The following ZIC3 variants were observed in gnomAD, a reference collection of about 807,000 sequenced individuals.
The protein encoded by ZIC3 is Zic family zinc finger 3.
In ZIC3, 6 loss-of-function variants were observed where a neutral mutation model predicts 18.3. The observed-to-expected ratio is 0.33, with a 90% CI of 0.18 to 0.65. The LOEUF (loss-of-function observed/expected upper bound fraction) is 0.65. Ranked by LOEUF, ZIC3 falls within the 30% of genes least tolerant of loss-of-function variation. The pLI is 0.75. For missense variants in ZIC3, 260 were observed against 410.0 expected, an observed-to-expected ratio of 0.63 and a Z score of 3.16; for synonymous variants, 175 against 177.0, an observed-to-expected ratio of 0.99 and a Z score of 0.09.
Position 137,570,047 on chromosome X carries a change from A to G in ZIC3, c.1381A>G (p.Asn461Asp). The G allele has an allele frequency of 1.7e-6, 2 of 1,211,666 alleles. No individual in the cohort carries two copies. Among genetic ancestry groups the G allele is most frequent in the Non-Finnish European group, 2.2e-6 (2 of 895,456 alleles). ...STSHNPGLPP[N>D]FNEWYV The stretch of plus-strand genomic sequence containing the variant: ...CAGCCACAACCCTGGACTTCCTCCT[A>G]ATTTTAACGAATGGTACGTCTGAGG... Residue 461 changes from asparagine to aspartate, a missense_variant, in exon 3 of 3, where the codon AAT (asparagine) becomes GAT (aspartate). Physicochemically the swap from Asn to Asp is conservative, Grantham distance 23. Transcript: ENST00000287538.
intron 1 of ZIC3, chrX:137,568,681 G>GCCC: frequency 2.8e-5 from 4 of 142,756 alleles, no homozygotes; most frequent in South Asian, 1.8e-4. Context: ...TTTTGGGCCG[G>GCCC]CCCCGCCCCA....
chrX:137,569,447 G>A (rs1007038074), intron 2 of ZIC3, among the ~76,000 whole-genome samples: 2 of 112,190 alleles, frequency 1.8e-5, no homozygotes. Context: ...AAAACAATAG[G>A]GCCGAGGAGT....
Position 137,567,020 on chromosome X carries a change from C to G in ZIC3, c.329C>G (p.Ala110Gly). 1 of 1,167,768 alleles carries G rather than the reference C, an allele frequency of 8.6e-7. No homozygotes were observed. Residue 110 changes from alanine to glycine, a missense_variant, in exon 1 of 3, where the codon GCC (alanine) becomes GGC (glycine). Ala to Gly is a moderately conservative substitution (Grantham distance 60). Around this residue, in one of 4 missense-constraint regions of ZIC3, gnomAD observed 183 missense variants for 223.8 expected, o/e 0.82. Transcript: ENST00000287538. ...CCCAGCTACGGTGGCGCTGCCTCTG[C>G]CGCCTTCAACTCAACGCGCGAGTTT... ...QVPSYGGAAS[A>G]AFNSTREFLF...
downstream of ZIC3, among the ~76,000 whole-genome samples, chrX:137,576,091 C>T (rs1222595202): frequency 9.3e-6 from 1 of 107,311 alleles, no homozygotes; most frequent in African/African-American, 3.4e-5. Flanking sequence ...GTTTCCTTCC[C>T]CGGTTCACTC....
chrX:137,572,190 A>G (rs1931449250), downstream of ZIC3, among the ~76,000 whole-genome samples: 2 of 112,660 alleles, frequency 1.8e-5, no homozygotes, highest in African/African-American at 3.2e-5. Flanking sequence ...TGATTAAAAG[A>G]AACTTTGATT....
chrX:137,575,241 G>A (rs1267666942), downstream of ZIC3, among the ~76,000 whole-genome samples: 2 of 111,890 alleles, frequency 1.8e-5, no homozygotes, highest in Non-Finnish European at 3.8e-5. Flanking sequence ...TTAGACAAAT[G>A]TGCCATTGCG....
Position 137,570,418 on chromosome X carries a change from G to A in ZIC3, c.*348G>A. On this transcript the variant is annotated 3_prime_UTR_variant, in exon 3 of 3. Transcript: ENST00000287538. ...GGAAGTTATAGAAGGCTTGTTGGTG[G>A]TGGTGATGTTAAACTGATGGAAATT... 2 of 260,853 alleles carry A rather than the reference G, an allele frequency of 7.7e-6. No individual in the cohort carries two copies. Among genetic ancestry groups the A allele is most frequent in the Non-Finnish European group, 1.4e-5 (2 of 145,371 alleles). The allele number at this position is 260,853 out of a possible 1,213,427, so 21.5% of individuals were successfully genotyped here.
Position 137,567,352 on chromosome X carries a change from C to G in ZIC3, c.661C>G (p.Pro221Ala), listed in dbSNP as rs758831851. The change falls in exon 1 of 3, where the codon CCC (proline) becomes GCC (alanine). Residue 221 changes from proline to alanine, a missense_variant. Around this residue, in one of 4 missense-constraint regions of ZIC3, gnomAD observed 183 missense variants for 223.8 expected, o/e 0.82. Transcript: ENST00000287538. ...AAGAQFPNYS[P>A]MNMNMGVNVA... Reference sequence around the variant, plus strand: ...CGGCGCTCAGTTTCCTAACTACAGCCCCATGAACATGAACATGGGAGTGAA... The same window carrying G: ...CGGCGCTCAGTTTCCTAACTACAGCGCCATGAACATGAACATGGGAGTGAA... 4 of 1,210,033 alleles carry G rather than the reference C, an allele frequency of 3.3e-6. No homozygotes were observed. The highest frequency in any genetic ancestry group is 4.5e-6 in the Non-Finnish European group (4 of 895,320).
chrX:137,568,710 C>T, intron 1 of ZIC3, 192 bp from the exon 2 acceptor site: 2 of 168,831 alleles, frequency 1.2e-5, no homozygotes, highest in South Asian at 2.0e-4. Context: ...CCCACCCCGA[C>T]CACCACTCCC....
intron 2 of ZIC3, among the ~76,000 whole-genome samples, chrX:137,569,369 C>G (rs1000933934): frequency 8.9e-6 from 1 of 112,137 alleles, no homozygotes; most frequent in Non-Finnish European, 1.9e-5. Flanking sequence ...ACTCAGCCCG[C>G]GGTGGGAACC....
In ZIC3 at chrX:137,566,299, C is replaced by T. The variant is rs1432465326; in HGVS notation, c.-393C>T. On this transcript the variant is annotated 5_prime_UTR_variant, in exon 1 of 3. Transcript: ENST00000287538. ...GCCGGTACCCAGGGAGCCTCCTGGC[C>T]CCGCGGTTCTGTGCACTCGGGGAGA... 1 of 177,726 alleles carries T rather than the reference C, an allele frequency of 5.6e-6. No individual in the cohort carries two copies. The highest frequency in any genetic ancestry group is 1.3e-4 in the East Asian group (1 of 7,825). 14.6% of individuals were successfully genotyped at this position (177,726 alleles called of 1,213,427 possible). A position where few individuals can be genotyped will look rare whatever the true frequency, so the allele number is the denominator to read the frequency against.
chrX:137,573,381 G>C (rs1047525244), downstream of ZIC3, among the ~76,000 whole-genome samples: 3 of 111,533 alleles, frequency 2.7e-5, no homozygotes, highest in African/African-American at 3.3e-5. Context: ...GAAGGTTAAA[G>C]ATCAGGACAG....
At chrX:137,574,654 A>G (rs1242378041), downstream of ZIC3, among the ~76,000 whole-genome samples, 1 of 111,510 alleles carries the variant, frequency 9.0e-6, no homozygotes. Flanking sequence ...GGTTGGGGAT[A>G]GAGTTGAAAG....
chrX:137,568,112 T>G (rs1931378445), intron 1 of ZIC3, among the ~76,000 whole-genome samples: 1 of 113,218 alleles, frequency 8.8e-6, no homozygotes, highest in Non-Finnish European at 1.9e-5. Flanking sequence ...TCGGCACACA[T>G]TCGTGGAAGG....
downstream of ZIC3, among the ~76,000 whole-genome samples, chrX:137,574,678 C>T (rs1023381852): frequency 9.8e-5 from 11 of 112,071 alleles, no homozygotes; most frequent in African/African-American, 3.6e-4. Flanking sequence ...CTTTGCAGTG[C>T]CGCGGCCTCG....
At chrX:137,573,471 C>T (rs1439040593), downstream of ZIC3, among the ~76,000 whole-genome samples, 1 of 111,781 alleles carries the variant, frequency 8.9e-6, no homozygotes, top group African/African-American at 3.3e-5. Context: ...CACAAAGCAT[C>T]CCAGGAAAGT....
In ZIC3 at chrX:137,566,814, G is replaced by C; in HGVS notation, c.123G>C (p.Gly41=). The C allele has an allele frequency of 8.5e-7, 1 of 1,170,225 alleles. No homozygotes were observed. The highest frequency in any genetic ancestry group is 1.1e-6 in the Non-Finnish European group (1 of 877,089). ...CAGGCATGGGGCTGAATCCCTTCGG[G>C]GACTCAACCCACGCCGCCGCCGCCG... is the stretch of plus-strand genomic sequence containing the variant. ...EPAGMGLNPF[G]DSTHAAAAAA... The change falls in exon 1 of 3, where the codon GGG becomes GGC. Residue 41 remains glycine (G), a synonymous_variant. Transcript: ENST00000287538.
In ZIC3 at chrX:137,566,143, T is replaced by C. The variant is rs1931333764; in HGVS notation, c.-549T>C. The C allele has an allele frequency of 1.4e-5, 2 of 138,812 alleles. No individual in the cohort carries two copies. The highest frequency in any genetic ancestry group is 1.6e-4 in the Admixed American group (2 of 12,666). The allele number at this position is 138,812 out of a possible 1,213,427, so 11.4% of individuals were successfully genotyped here. A position where few individuals can be genotyped will look rare whatever the true frequency, so the allele number is the denominator to read the frequency against. The stretch of plus-strand genomic sequence containing the variant: ...ATTGACTTTATCAGTCCAAGGACAT[T>C]ACTCTGGAGGCGAAGAGGCTGGGAC... On this transcript the variant is annotated 5_prime_UTR_variant, in exon 1 of 3. Transcript: ENST00000287538.
Position 137,570,146 on chromosome X carries a change from A to C in ZIC3, c.*76A>C. ...AAGAAAACTGAGACCAATCAGATGG[A>C]AATGGAGTTTTAAGGCAAGAGGCCA... On this transcript the variant is annotated 3_prime_UTR_variant, in exon 3 of 3. Transcript: ENST00000287538. The C allele has an allele frequency of 3.5e-6, 4 of 1,133,949 alleles. No homozygotes were observed. The highest frequency in any genetic ancestry group is 4.8e-6 in the Non-Finnish European group (4 of 824,779). The allele number at this position is 1,133,949 out of a possible 1,213,427, so 93.5% of individuals were successfully genotyped here.
Sources: gnomAD v4.1 joint callset for allele counts (sites outside exome capture counted in the v4.1 genomes callset) on GRCh38, gnomAD v4.1.1 for gene constraint, gnomAD v4.1.1 regional missense constraint, MANE v1.5 for transcripts, NCBI Gene and HGNC (gene_info 2026-07-23, HGNC 2026-07-21) for gene names.